Variants in GNG2 observed in about 807,000 individuals in gnomAD.
GNG2 encodes the protein G protein subunit gamma 2.
Under a neutral mutation model 5.5 loss-of-function variants are expected in GNG2, and 5 were observed. The observed-to-expected ratio is 0.91, with a 90% CI of 0.48 to 1.92. The LOEUF (loss-of-function observed/expected upper bound fraction) is 1.92, where lower values mean the gene tolerates loss of function less well. Ranked by LOEUF, GNG2 falls within the 30% of genes most tolerant of loss-of-function variation. The pLI, the probability that GNG2 is intolerant of heterozygous loss-of-function variation, is 0.01. For synonymous variants in GNG2, 28 were observed against 32.0 expected (o/e 0.88, Z 0.42); for missense variants, 55 against 88.4 (o/e 0.62, Z 1.52).
At chr14:51,842,554 G>A (rs888046039) in intron 2 of GNG2, among the ~76,000 whole-genome samples, 2 of 152,160 alleles carry the variant, frequency 1.3e-5, no homozygotes, top group African/African-American at 4.8e-5. Flanking sequence ...CCACCCCAGT[G>A]GTCACAGACC....
chr14:51,869,963 C>T (rs1413116058), intron 1 of GNG2, among the ~76,000 whole-genome samples: 1 of 152,140 alleles, frequency 6.6e-6, no homozygotes, highest in Non-Finnish European at 1.5e-5. Flanking sequence ...AGCCCAGGCT[C>T]GCTGAAGAAC....
At chr14:51,957,927 T>C (rs1401796816) in intron 3 of GNG2, among the ~76,000 whole-genome samples, 1 of 152,218 alleles carries the variant, frequency 6.6e-6, no homozygotes, top group African/African-American at 2.4e-5. Flanking sequence ...TTCATTTCAT[T>C]GTATTCTATT....
chr14:51,887,717 A>G (rs554986695), intron 2 of GNG2, among the ~76,000 whole-genome samples: 192 of 152,288 alleles, frequency 1.3e-3, no homozygotes, highest in Non-Finnish European at 2.2e-3. Context: ...ACTGACTGTG[A>G]CCACCTTGGC....
At position 51,966,809 on chromosome 14, in the gene GNG2, C is replaced by A; in HGVS notation, c.*122C>A. The A allele has an allele frequency of 1.2e-6, 1 of 813,542 alleles. No homozygotes were observed. The highest frequency in any genetic ancestry group is 2.0e-6 in the Non-Finnish European group (1 of 494,592). 50.4% of individuals were successfully genotyped at this position (813,542 alleles called of 1,614,324 possible). On this transcript the variant is annotated 3_prime_UTR_variant, in exon 4 of 4. Transcript: ENST00000556766. ...AGAGCGAGGAGAACCATTCTGGAAA[C>A]TCTAGGCTATGCATGTTTAAAGATC...
chr14:51,862,674 C>T (rs921735615), intron 1 of GNG2, among the ~76,000 whole-genome samples: 2 of 152,214 alleles, frequency 1.3e-5, no homozygotes, highest in African/African-American at 4.8e-5. Context: ...AAACCTTGCC[C>T]GACGGGCATA....
At chr14:51,830,068 C>T (rs1881140525) in intron 2 of GNG2, among the ~76,000 whole-genome samples, 1 of 152,122 alleles carries the variant, frequency 6.6e-6, no homozygotes, top group Non-Finnish European at 1.5e-5. Context: ...GTCTTGAATT[C>T]CTGACCTCGT....
chr14:51,843,606 G>A (rs1881546127), intron 2 of GNG2, among the ~76,000 whole-genome samples: 1 of 151,584 alleles, frequency 6.6e-6, no homozygotes, highest in Admixed American at 6.6e-5. Context: ...AATATTTTGA[G>A]TGTGTCCACT....
chr14:51,889,091 AATGGGT>A (rs1235370775), intron 2 of GNG2, among the ~76,000 whole-genome samples: 1 of 150,272 alleles, frequency 6.7e-6, no homozygotes, highest in Non-Finnish European at 1.5e-5. Flanking sequence ...AGTGACTGCT[AATGGGT>A]ATGGGTTTGC....
At chr14:51,828,187 C>T (rs1178500205) in intron 2 of GNG2, among the ~76,000 whole-genome samples, 2 of 152,156 alleles carry the variant, frequency 1.3e-5, no homozygotes, top group Non-Finnish European at 2.9e-5. Context: ...CAGTCTCCGG[C>T]AAGGCTGCTT....
chr14:51,828,323 G>A (rs925564077), intron 2 of GNG2, among the ~76,000 whole-genome samples: 1 of 152,196 alleles, frequency 6.6e-6, no homozygotes, highest in Non-Finnish European at 1.5e-5. Flanking sequence ...CTGAGCTCCG[G>A]ATTGTTTCCC....
chr14:51,957,156 G>GATCC (rs10643481), intron 3 of GNG2, among the ~76,000 whole-genome samples: 55,334 of 151,578 alleles, frequency 0.37, 10,403 homozygotes, highest in Non-Finnish European at 0.39. Context: ...TTGTGCAGTA[G>GATCC]ATCCCACCTC....
chr14:51,865,892 G>A (rs1015897848), intron 1 of GNG2, among the ~76,000 whole-genome samples: 2 of 151,702 alleles, frequency 1.3e-5, no homozygotes, highest in Admixed American at 6.6e-5. Context: ...AAGACAACAA[G>A]TTGTATTTAG....
At chr14:51,875,642 T>C (rs1354156337) in intron 1 of GNG2, among the ~76,000 whole-genome samples, 2 of 151,574 alleles carry the variant, frequency 1.3e-5, no homozygotes, top group African/African-American at 2.4e-5. Flanking sequence ...ACAACTTATA[T>C]TATGTATATA....
intron 2 of GNG2, among the ~76,000 whole-genome samples, chr14:51,923,300 A>G (rs560284995): frequency 1.3e-5 from 2 of 152,272 alleles, no homozygotes; most frequent in Non-Finnish European, 1.5e-5. Context: ...TTAGAATTAC[A>G]TAGGGATAAG....
intron 2 of GNG2, among the ~76,000 whole-genome samples, chr14:51,882,165 T>A (rs1884122452): frequency 6.6e-6 from 1 of 152,162 alleles, no homozygotes; most frequent in South Asian, 2.1e-4. Flanking sequence ...TCCGGGGTGA[T>A]GGAATATCTT....
rs143065549 is a variant in GNG2 at position 51,896,745 on chromosome 14, C to A, written c.-30+19088C>A. Among the ~76,000 whole-genome samples, 59 of 151,696 alleles carry A rather than the reference C, an allele frequency of 3.9e-4. 1 individual carries two copies. The East Asian group carries it at 0.011, about 28-fold the overall frequency. The stretch of plus-strand genomic sequence containing the variant: ...TTTATAAAGTGAAAATAAGGAATAG[C>A]GAAAATAAGAAAGATAGATGGCCAA... On this transcript the variant is annotated intron_variant, in intron 2 of 3. Transcript: ENST00000556766.
At position 51,967,969 on chromosome 14, in the gene GNG2, C is replaced by G. The variant is rs1890018592; in HGVS notation, c.*1282C>G. ...CCTCAAATCGCCACTCTTTGGGCGGCAGGTGCGGTCCCCACGGCCGGCTCT... is the reference window on the plus strand; with the variant it reads ...CCTCAAATCGCCACTCTTTGGGCGGGAGGTGCGGTCCCCACGGCCGGCTCT... On this transcript the variant is annotated 3_prime_UTR_variant, in exon 4 of 4. Transcript: ENST00000556766. The G allele has an allele frequency of 6.6e-6, 1 of 152,224 alleles. No individual in the cohort carries two copies. Among genetic ancestry groups the G allele is most frequent in the South Asian group, 2.1e-4 (1 of 4,828 alleles). 9.4% of individuals were successfully genotyped at this position (152,224 alleles called of 1,614,324 possible).
At chr14:51,934,145 G>A (rs567523016) in intron 2 of GNG2, among the ~76,000 whole-genome samples, 1 of 152,240 alleles carries the variant, frequency 6.6e-6, no homozygotes, top group Non-Finnish European at 1.5e-5. Context: ...GATAGGCCAC[G>A]GACTCCAGGC....
chr14:51,925,855 C>T (rs955365740), intron 2 of GNG2, among the ~76,000 whole-genome samples: 2 of 151,904 alleles, frequency 1.3e-5, no homozygotes, highest in Admixed American at 1.3e-4. Context: ...CTCCTGGCCT[C>T]AAGTGATTCA....
Sources: gnomAD v4.1 joint callset for allele counts (sites outside exome capture counted in the v4.1 genomes callset) on GRCh38, gnomAD v4.1.1 for gene constraint, MANE v1.5 for transcripts, NCBI Gene and HGNC (gene_info 2026-07-23, HGNC 2026-07-21) for gene names.